Variants in PCDH9 observed in about 807,000 individuals in gnomAD.
PCDH9 encodes the protein protocadherin 9.
In PCDH9, 24 loss-of-function variants were observed where a neutral mutation model predicts 70.6. The observed-to-expected ratio is 0.34, with a 90% CI of 0.25 to 0.48. PCDH9 has a LOEUF of 0.48. Among genes scored for constraint, PCDH9 ranks in the 20% least tolerant of loss-of-function variants. The pLI, the probability that PCDH9 is intolerant of heterozygous loss-of-function variation, is 0.99. For missense variants in PCDH9, 1,281 were observed against 1,503.6 expected (o/e 0.85, Z 2.45); for synonymous variants, 562 against 558.5 (o/e 1.01, Z -0.09).
intron 4 of PCDH9, among the ~76,000 whole-genome samples, chr13:66,456,079 G>T (rs1368999211): frequency 1.3e-5 from 2 of 152,036 alleles, no homozygotes; most frequent in Non-Finnish European, 2.9e-5. Context: ...GTGTCTAAAT[G>T]AACATATTCC....
At chr13:66,420,658 G>A (rs952184303) in intron 4 of PCDH9, among the ~76,000 whole-genome samples, 1 of 152,032 alleles carries the variant, frequency 6.6e-6, no homozygotes, top group Non-Finnish European at 1.5e-5. Flanking sequence ...AAAGGATGAT[G>A]AGGCAAACCT....
chr13:67,171,089 A>C (rs1019256777), intron 2 of PCDH9, among the ~76,000 whole-genome samples: 1 of 152,198 alleles, frequency 6.6e-6, no homozygotes, highest in African/African-American at 2.4e-5. Context: ...TAGATGAAAC[A>C]TAGCATACCG....
intron 2 of PCDH9, among the ~76,000 whole-genome samples, chr13:67,127,732 A>T (rs111247570): frequency 1.4e-4 from 21 of 150,126 alleles, no homozygotes; most frequent in South Asian, 4.2e-4. Flanking sequence ...GTATATATAT[A>T]TTTTTTTCTT....
At chr13:66,601,905 T>C (rs968721924) in intron 4 of PCDH9, among the ~76,000 whole-genome samples, 2 of 146,400 alleles carry the variant, frequency 1.4e-5, no homozygotes, top group Non-Finnish European at 3.1e-5. Context: ...CATATAATTA[T>C]ATACAGTGCA....
At chr13:66,512,303 T>TATATATATATATATATATATATAC (rs1491228217) in intron 4 of PCDH9, among the ~76,000 whole-genome samples, 6 of 146,426 alleles carry the variant, frequency 4.1e-5, no homozygotes, top group African/African-American at 1.5e-4. Context: ...TATATATATA[T>TATATATATATATATATATATATAC]ACACAATAAG....
chr13:67,225,439 C>T lies in PCDH9; in HGVS notation c.3002G>A (p.Gly1001Asp). The T allele has an allele frequency of 6.2e-7, 1 of 1,614,058 alleles. No individual in the cohort carries two copies. Among genetic ancestry groups the T allele is most frequent in the East Asian group, 2.2e-5 (1 of 44,874 alleles). Reference protein sequence around the residue: ...FSASECSSQGGFKTKGPLHTR... With the variant: ...FSASECSSQGDFKTKGPLHTR... ...GTGTAAGGGGCCCTTTGTCTTGAAG[C>T]CTCCTTGGGAACTGCACTCTGAGGC... The change falls in exon 2 of 5, where the codon GGC (glycine) becomes GAC (aspartate). Residue 1001 changes from glycine (G) to aspartate (D), a missense_variant. By Grantham distance (94) the Gly-to-Asp change is moderately conservative. Coordinates refer to ENST00000377865, the MANE Select transcript of PCDH9 (RefSeq NM_203487.3).
At position 66,471,897 on chromosome 13, in the gene PCDH9, G is replaced by A. The variant is rs140623738; in HGVS notation, c.3340+159313C>T. ...GTTTCCCCAAATTACATTTGTTCATGTAACATTTTTATTCATTGAAACTAG... is the reference window on the plus strand; with the variant it reads ...GTTTCCCCAAATTACATTTGTTCATATAACATTTTTATTCATTGAAACTAG... On this transcript the variant is annotated intron_variant, in intron 4 of 4. Transcript: ENST00000377865. Among the ~76,000 whole-genome samples the A allele has an allele frequency of 2.2e-3, 338 of 152,230 alleles. 1 individual carries two copies. Among genetic ancestry groups the A allele is most frequent in the African/African-American group, 7.8e-3 (325 of 41,544 alleles).
intron 3 of PCDH9, among the ~76,000 whole-genome samples, chr13:66,658,951 T>C (rs2077969434): frequency 1.3e-5 from 2 of 152,126 alleles, no homozygotes; most frequent in Non-Finnish European, 2.9e-5. Context: ...TAAAATAGAC[T>C]TCAAGACATA....
intron 2 of PCDH9, among the ~76,000 whole-genome samples, chr13:67,190,722 A>G (rs1173768911): frequency 6.6e-6 from 1 of 152,104 alleles, no homozygotes; most frequent in East Asian, 1.9e-4. Flanking sequence ...GAATAATTTT[A>G]CTATAACTCA....
intron 4 of PCDH9, among the ~76,000 whole-genome samples, chr13:66,518,748 G>A (rs1002578662): frequency 1.3e-5 from 2 of 152,050 alleles, no homozygotes; most frequent in African/African-American, 2.4e-5. Flanking sequence ...TTTGACTTGC[G>A]CTACTCCAAA....
At chr13:66,422,324 A>G (rs985295209) in intron 4 of PCDH9, among the ~76,000 whole-genome samples, 3 of 152,208 alleles carry the variant, frequency 2.0e-5, no homozygotes, top group Non-Finnish European at 4.4e-5. Flanking sequence ...AGACATCTAT[A>G]GAACTCTCTG....
chr13:66,967,732 A>G (rs2083454001), intron 2 of PCDH9, among the ~76,000 whole-genome samples: 1 of 152,066 alleles, frequency 6.6e-6, no homozygotes, highest in African/African-American at 2.4e-5. Flanking sequence ...TTTTAATTTG[A>G]TCATTGTATT....
intron 4 of PCDH9, among the ~76,000 whole-genome samples, chr13:66,518,457 G>T: frequency 6.6e-6 from 1 of 152,008 alleles, no homozygotes; most frequent in African/African-American, 2.4e-5. Flanking sequence ...TTTCAAAAGT[G>T]AAATTTAGAA....
At chr13:66,516,760 A>ATG (rs1396956605) in intron 4 of PCDH9, among the ~76,000 whole-genome samples, 2 of 151,306 alleles carry the variant, frequency 1.3e-5, no homozygotes, top group Non-Finnish European at 1.5e-5. Flanking sequence ...CTCTGTGTCT[A>ATG]TGTGTGTGTG....
chr13:66,700,934 AT>A (rs1242974010), intron 3 of PCDH9, among the ~76,000 whole-genome samples: 1 of 85,008 alleles, frequency 1.2e-5, no homozygotes, highest in African/African-American at 5.0e-5. Flanking sequence ...ATATATATAT[AT>A]ATATATATAT....
intron 4 of PCDH9, among the ~76,000 whole-genome samples, chr13:66,569,826 A>G (rs981782492): frequency 2.0e-5 from 3 of 152,168 alleles, no homozygotes; most frequent in African/African-American, 7.2e-5. Flanking sequence ...GAATATAAAA[A>G]TGGTGCTGCC....
intron 4 of PCDH9, among the ~76,000 whole-genome samples, chr13:66,428,060 C>G (rs994041371): frequency 2.0e-5 from 3 of 151,456 alleles, no homozygotes; most frequent in Admixed American, 6.6e-5. Context: ...TGAAAGAAAC[C>G]ATATGTGGCT....
intron 2 of PCDH9, among the ~76,000 whole-genome samples, chr13:66,938,577 A>G (rs1038294111): frequency 4.6e-5 from 7 of 152,308 alleles, no homozygotes; most frequent in East Asian, 1.9e-4. Context: ...AGAGTTTGCA[A>G]TGTTCTCATC....
At chr13:66,559,087 C>G (rs968635394) in intron 4 of PCDH9, among the ~76,000 whole-genome samples, 2 of 152,124 alleles carry the variant, frequency 1.3e-5, no homozygotes, top group Admixed American at 1.3e-4. Context: ...CAGTGACTTA[C>G]AAACTAGTTA....
Sources: allele counts gnomAD v4.1 joint callset (sites outside exome capture counted in the v4.1 genomes callset), GRCh38; gene constraint gnomAD v4.1.1; transcripts MANE v1.5; gene names NCBI Gene and HGNC (gene_info 2026-07-23, HGNC 2026-07-21).